The following SH2D4A variants were observed in gnomAD, a reference collection of about 807,000 sequenced individuals.
The protein encoded by SH2D4A is SH2 domain containing 4A.
SH2D4A carries 70 observed loss-of-function variants against 64.7 expected under a neutral mutation model. The observed-to-expected ratio is 1.08, with a 90% CI of 0.89 to 1.32. The LOEUF is 1.32. Ranked by LOEUF, SH2D4A falls within the 40% of genes most tolerant of loss-of-function variation. The probability of loss-of-function intolerance (pLI) is 0.00; values close to 1 mark genes in which losing one functional copy is unlikely to be tolerated. For missense variants in SH2D4A, 706 were observed against 540.1 expected, an observed-to-expected ratio of 1.31 and a Z score of -3.04; for synonymous variants, 268 against 200.7, an observed-to-expected ratio of 1.34 and a Z score of -2.83.
chr8:19,375,521 G>A (rs1234436316), intron 8 of SH2D4A: 2 of 152,164 alleles, frequency 1.3e-5, no homozygotes, highest in Non-Finnish European at 2.9e-5. Flanking sequence ...TCAAGGTAAG[G>A]ATGTGAGTGG....
chr8:19,334,848 G>C lies in SH2D4A; in HGVS notation c.504G>C (p.Glu168Asp). 1.9e-6 allele frequency: 3 copies of C among 1,603,046 alleles called. No homozygotes were observed. The highest frequency in any genetic ancestry group is 2.3e-5 in the South Asian group (2 of 88,628). The change falls in exon 4 of 10, where the codon GAG becomes GAC. Residue 168 changes from glutamate (E) to aspartate (D), a missense_variant. Coordinates refer to ENST00000265807, the MANE Select transcript of SH2D4A (RefSeq NM_022071.4). ...GSRPAPTLEE[E>D]KIRSLSSSSR... ...GGCCAGCACCAACCCTGGAAGAAGA[G>C]AAAATCCGAGTGAGTCCTTACTGTC...
intron 2 of SH2D4A, among the ~76,000 whole-genome samples, chr8:19,321,405 G>A (rs1050698249): frequency 1.3e-5 from 2 of 152,156 alleles, no homozygotes; most frequent in African/African-American, 4.8e-5. Flanking sequence ...GTAGAGGTGG[G>A]GTTTCTCCAT....
chr8:19,356,945 A>C (rs1488884479), intron 4 of SH2D4A, among the ~76,000 whole-genome samples: 2 of 152,218 alleles, frequency 1.3e-5, no homozygotes, highest in African/African-American at 2.4e-5. Context: ...ATGGGAGCAA[A>C]ATATACCAAA....
chr8:19,334,428 T>C (rs1486038618), intron 3 of SH2D4A, among the ~76,000 whole-genome samples: 1 of 152,192 alleles, frequency 6.6e-6, no homozygotes, highest in Non-Finnish European at 1.5e-5. Context: ...GCTGTACCAC[T>C]ATGTGGTCTT....
At chr8:19,323,614 T>A (rs1047237289) in intron 2 of SH2D4A, among the ~76,000 whole-genome samples, 4 of 152,108 alleles carry the variant, frequency 2.6e-5, no homozygotes, top group African/African-American at 7.2e-5. Context: ...TTCCTGACCT[T>A]AGGTGATCCA....
intron 7 of SH2D4A, among the ~76,000 whole-genome samples, chr8:19,370,959 C>G (rs1290225207): frequency 6.6e-6 from 1 of 152,052 alleles, no homozygotes; most frequent in African/African-American, 2.4e-5. Context: ...ATTTTAGAGA[C>G]TTACAAACTT....
At chr8:19,377,675 T>TTA (rs200379988) in intron 8 of SH2D4A, among the ~76,000 whole-genome samples, 12 of 151,772 alleles carry the variant, frequency 7.9e-5, no homozygotes, top group East Asian at 5.8e-4. Flanking sequence ...ATTATATACA[T>TTA]TATATATATA....
chr8:19,386,374 T>C (rs2053391689), intron 8 of SH2D4A, among the ~76,000 whole-genome samples: 1 of 152,228 alleles, frequency 6.6e-6, no homozygotes, highest in Admixed American at 6.5e-5. Context: ...CTGACTTTTC[T>C]CATAAATTAG....
intron 8 of SH2D4A, among the ~76,000 whole-genome samples, chr8:19,392,813 C>G (rs1003922212): frequency 3.3e-5 from 5 of 151,926 alleles, no homozygotes; most frequent in African/African-American, 1.2e-4. Flanking sequence ...ATGATCTCGG[C>G]TCACTGCAAG....
intron 2 of SH2D4A, among the ~76,000 whole-genome samples, chr8:19,329,196 A>C (rs1015528876): frequency 6.6e-6 from 1 of 152,122 alleles, no homozygotes; most frequent in African/African-American, 2.4e-5. Flanking sequence ...CCATCCTCCC[A>C]TACTCAGTAC....
At chr8:19,363,990 G>A (rs1190688029) in intron 6 of SH2D4A, 82 bp from the exon 7 acceptor site, 7 of 1,327,302 alleles carry the variant, frequency 5.3e-6, no homozygotes, top group Non-Finnish European at 7.5e-6. Flanking sequence ...CTGCGCTGCT[G>A]CCCGTTGTGC....
intron 2 of SH2D4A, among the ~76,000 whole-genome samples, chr8:19,332,251 A>C (rs903788965): frequency 8.5e-5 from 13 of 152,174 alleles, no homozygotes; most frequent in African/African-American, 3.1e-4. Flanking sequence ...TAGATGTAAG[A>C]ATTTATGGTG....
At chr8:19,347,850 T>A (rs1226610364) in intron 4 of SH2D4A, among the ~76,000 whole-genome samples, 1 of 152,178 alleles carries the variant, frequency 6.6e-6, no homozygotes, top group Non-Finnish European at 1.5e-5. Flanking sequence ...CAGGTGGAGT[T>A]ACAGATGAGG....
chr8:19,328,405 C>T (rs955560908), intron 2 of SH2D4A, among the ~76,000 whole-genome samples: 3 of 152,054 alleles, frequency 2.0e-5, no homozygotes, highest in Non-Finnish European at 4.4e-5. Context: ...CTTGTCACTA[C>T]TTCTGCCTGT....
chr8:19,375,616 G>A (rs1319327343), intron 8 of SH2D4A: 1 of 152,132 alleles, frequency 6.6e-6, no homozygotes, highest in Non-Finnish European at 1.5e-5. Context: ...ATGGAGAGAA[G>A]GAACATAGGG....
chr8:19,373,421 T>G, intron 7 of SH2D4A, 109 bp from the exon 8 acceptor site: 1 of 668,762 alleles, frequency 1.5e-6, no homozygotes, highest in Non-Finnish European at 2.2e-6. Context: ...TGTATATATA[T>G]GCATGTATAT....
chr8:19,326,158 CT>C (rs1050266967), intron 2 of SH2D4A, among the ~76,000 whole-genome samples: 2 of 152,208 alleles, frequency 1.3e-5, no homozygotes, highest in Non-Finnish European at 2.9e-5. Flanking sequence ...TGTTTACTAG[CT>C]CTGTGATCTT....
intron 4 of SH2D4A, among the ~76,000 whole-genome samples, chr8:19,339,904 A>G (rs1197714316): frequency 6.6e-6 from 1 of 152,206 alleles, no homozygotes; most frequent in Non-Finnish European, 1.5e-5. Flanking sequence ...GGTGCTAAGT[A>G]TTGAGGTTAT....
At chr8:19,316,798 G>T (rs2052096073) in intron 1 of SH2D4A, among the ~76,000 whole-genome samples, 1 of 152,198 alleles carries the variant, frequency 6.6e-6, no homozygotes, top group African/African-American at 2.4e-5. Flanking sequence ...GGACTGCCCG[G>T]CTCTGCCGCT....
Sources: gnomAD v4.1 joint callset for allele counts (sites outside exome capture counted in the v4.1 genomes callset) on GRCh38, gnomAD v4.1.1 for gene constraint, MANE v1.5 for transcripts, NCBI Gene and HGNC (gene_info 2026-07-23, HGNC 2026-07-21) for gene names.